Variants in STT3B observed in about 807,000 individuals in gnomAD.
STT3B encodes STT3 oligosaccharyltransferase complex catalytic subunit B.
Under a neutral mutation model 96.8 loss-of-function variants are expected in STT3B, and 29 were observed. The observed-to-expected ratio is 0.30, with a 90% confidence interval of 0.22 to 0.41. The LOEUF (loss-of-function observed/expected upper bound fraction) is 0.41. Ranked by LOEUF, STT3B falls within the 10% of genes least tolerant of loss-of-function variation. The probability of loss-of-function intolerance (pLI) is 1.00; values close to 1 mark genes in which losing one functional copy is unlikely to be tolerated. For missense variants in STT3B, 640 were observed against 1,022.3 expected (o/e 0.63, Z 5.10); for synonymous variants, 367 against 360.0 (o/e 1.02, Z -0.22).
chr3:31,606,706 A>C (rs542765677), intron 5 of STT3B, among the ~76,000 whole-genome samples: 1 of 152,328 alleles, frequency 6.6e-6, no homozygotes, highest in Admixed American at 6.5e-5. Context: ...TGTGGAAGGG[A>C]AATGTGGGCT....
At chr3:31,617,856 A>T in intron 7 of STT3B, 84 bp from the exon 8 acceptor site, 2 of 933,618 alleles carry the variant, frequency 2.1e-6, no homozygotes, top group Non-Finnish European at 3.5e-6. Flanking sequence ...GTCTATCTAT[A>T]ATTAGCAATA....
rs555287205 is a variant in STT3B at position 31,593,099 on chromosome 3, T to G, written c.712-3699T>G. Reference sequence around the variant, plus strand: ...AGGTGGGGAGCTGATTTCTGTTGCTTCTTCTTTCAGTATCTTCCCAGAATC... The same window carrying G: ...AGGTGGGGAGCTGATTTCTGTTGCTGCTTCTTTCAGTATCTTCCCAGAATC... On this transcript the variant is annotated intron_variant, in intron 3 of 15. Coordinates refer to ENST00000295770, the MANE Select transcript of STT3B (RefSeq NM_178862.3). Among the ~76,000 whole-genome samples, 134 of 152,358 alleles carry G rather than the reference T, an allele frequency of 8.8e-4. 1 individual carries two copies. The highest frequency in any genetic ancestry group is 4.2e-3 in the Admixed American group (65 of 15,296).
At chr3:31,612,201 G>A (rs1388082750) in intron 5 of STT3B, among the ~76,000 whole-genome samples, 3 of 152,166 alleles carry the variant, frequency 2.0e-5, no homozygotes, top group African/African-American at 7.2e-5. Context: ...CTAGTCCCAA[G>A]CATTTTAGAT....
Position 31,601,016 on chromosome 3 carries a change from G to A in STT3B, c.877+557G>A, listed in dbSNP as rs576890084. 1.4e-4 allele frequency among the ~76,000 whole-genome samples: 22 copies of A among 152,212 alleles called. No homozygotes were observed. The South Asian group carries it at 3.7e-3, about 26-fold the overall frequency. On this transcript the variant is annotated intron_variant, in intron 5 of 15. Coordinates refer to ENST00000295770, the MANE Select transcript of STT3B (RefSeq NM_178862.3). ...TTCTATGGGTTGAAGGAACTAGAGA[G>A]CAATTGTGAACTGAAACCAGTGTCT... is the stretch of plus-strand genomic sequence containing the variant.
chr3:31,623,649 T>A (rs752759598), intron 10 of STT3B, 25 bp from the exon 11 acceptor site: 79 of 1,555,916 alleles, frequency 5.1e-5, no homozygotes, highest in Non-Finnish European at 6.7e-5. Flanking sequence ...TGAATTTGTC[T>A]AACCAATTTT....
At chr3:31,555,418 CTATTT>C (rs765979934) in intron 1 of STT3B, among the ~76,000 whole-genome samples, 10 of 152,118 alleles carry the variant, frequency 6.6e-5, no homozygotes, top group East Asian at 1.9e-4. Flanking sequence ...TATCTGTATT[CTATTT>C]TAAGAACACT....
At position 31,566,378 on chromosome 3, in the gene STT3B, C is replaced by T. The variant is rs181021402; in HGVS notation, c.315-10018C>T. Among the ~76,000 whole-genome samples, 132 of 152,158 alleles carry T rather than the reference C, an allele frequency of 8.7e-4. 1 individual carries two copies. Among genetic ancestry groups the T allele is most frequent in the Non-Finnish European group, 1.5e-3 (105 of 68,008 alleles). The stretch of plus-strand genomic sequence containing the variant: ...TGGACAACTTATGTTACATATTGTG[C>T]CTTAGTCTAATCATATGTGTAGTGT... On this transcript the variant is annotated intron_variant, in intron 1 of 15. Transcript: ENST00000295770.
At chr3:31,625,895 T>C in intron 12 of STT3B, 59 bp from the exon 13 acceptor site, 1 of 1,433,426 alleles carries the variant, frequency 7.0e-7, no homozygotes, top group Non-Finnish European at 9.4e-7. Flanking sequence ...AAATATACAT[T>C]GATTTTTATG....
intron 1 of STT3B, among the ~76,000 whole-genome samples, chr3:31,562,732 G>A (rs1697910344): frequency 6.6e-6 from 1 of 152,172 alleles, no homozygotes; most frequent in Admixed American, 6.5e-5. Context: ...TGTCCTTAGC[G>A]CAGGTAAAAA....
chr3:31,610,662 G>A (rs1213351988), intron 5 of STT3B, among the ~76,000 whole-genome samples: 3 of 151,956 alleles, frequency 2.0e-5, no homozygotes, highest in African/African-American at 4.8e-5. Context: ...TATCTGTCTC[G>A]TCCCACCCTT....
intron 3 of STT3B, among the ~76,000 whole-genome samples, chr3:31,580,904 T>A (rs1698369843): frequency 6.6e-6 from 1 of 151,892 alleles, no homozygotes; most frequent in Non-Finnish European, 1.5e-5. Flanking sequence ...AAAAGTGTTT[T>A]TAAAAACTCT....
chr3:31,535,290 CAAGTA>C (rs1697059886), intron 1 of STT3B, among the ~76,000 whole-genome samples: 1 of 151,642 alleles, frequency 6.6e-6, no homozygotes, highest in Admixed American at 6.6e-5. Flanking sequence ...AAAGGCTCAA[CAAGTA>C]AAGTGGCTAA....
At chr3:31,540,965 C>T (rs182117783) in intron 1 of STT3B, among the ~76,000 whole-genome samples, 85 of 152,216 alleles carry the variant, frequency 5.6e-4, no homozygotes, top group Admixed American at 1.2e-3. Context: ...GTAGACTATA[C>T]CCAGTTTAAG....
intron 4 of STT3B, among the ~76,000 whole-genome samples, chr3:31,598,679 G>T (rs983373136): frequency 6.6e-6 from 1 of 152,100 alleles, no homozygotes; most frequent in Non-Finnish European, 1.5e-5. Flanking sequence ...GCTTTTCTTT[G>T]TTCTTAAGTG....
chr3:31,609,673 C>T (rs1327288577), intron 5 of STT3B, among the ~76,000 whole-genome samples: 1 of 152,120 alleles, frequency 6.6e-6, no homozygotes, highest in Non-Finnish European at 1.5e-5. Flanking sequence ...CGGTTCACTG[C>T]AACCTCTGCC....
rs1698352352 is a variant in STT3B at position 31,580,222 on chromosome 3, C to G, written c.711+126C>G. 8 of 854,278 alleles carry G rather than the reference C, an allele frequency of 9.4e-6. No individual in the cohort carries two copies. In the Admixed American group the frequency reaches 1.8e-4, roughly 19 times the overall value. 52.9% of individuals were successfully genotyped at this position (854,278 alleles called of 1,614,324 possible). A position where few individuals can be genotyped will look rare whatever the true frequency, so the allele number is the denominator to read the frequency against. On this transcript the variant is annotated intron_variant, in intron 3 of 15. Coordinates refer to ENST00000295770, the MANE Select transcript of STT3B (RefSeq NM_178862.3). Reference sequence around the variant, plus strand: ...GCGTACAGAGATCTGTATTACTGTTCATAATCAATTTAATAATGGATAACA... The same window carrying G: ...GCGTACAGAGATCTGTATTACTGTTGATAATCAATTTAATAATGGATAACA...
At chr3:31,538,129 A>G (rs75992366) in intron 1 of STT3B, among the ~76,000 whole-genome samples, 6,640 of 152,172 alleles carry the variant, frequency 0.044, 377 homozygotes, top group East Asian at 0.32. Context: ...ATATACTCTA[A>G]CCACCTAGAT....
intron 2 of STT3B, 32 bp from the exon 3 acceptor site, chr3:31,579,777 T>G: frequency 6.5e-7 from 1 of 1,536,440 alleles, no homozygotes; most frequent in Non-Finnish European, 8.9e-7. Context: ...TCATTTTATA[T>G]GTAATTAAAT....
chr3:31,580,734 G>A, intron 3 of STT3B, among the ~76,000 whole-genome samples: 1 of 151,956 alleles, frequency 6.6e-6, no homozygotes, highest in East Asian at 1.9e-4. Context: ...TGGCTAATGA[G>A]TATTTTTGCT....
Sources: gnomAD v4.1 joint callset for allele counts (sites outside exome capture counted in the v4.1 genomes callset) on GRCh38, gnomAD v4.1.1 for gene constraint, MANE v1.5 for transcripts, NCBI Gene and HGNC (gene_info 2026-07-23, HGNC 2026-07-21) for gene names.